GALK1: variants seen among roughly 807,000 people sequenced by gnomAD.
GALK1 encodes the protein galactokinase.
In GALK1, 30 loss-of-function variants were observed where a neutral mutation model predicts 38.6. The ratio of observed to expected loss-of-function variants is 0.78; its 90% CI spans 0.58 to 1.05. The LOEUF is 1.05. Among genes scored for constraint, GALK1 ranks in the 50% least tolerant of loss-of-function variants. The probability of loss-of-function intolerance (pLI) is 0.00; values close to 1 mark genes in which losing one functional copy is unlikely to be tolerated. For synonymous variants in GALK1, 240 were observed against 233.6 expected (o/e 1.03, Z -0.25); for missense variants, 512 against 540.5 (o/e 0.95, Z 0.52).
downstream of GALK1, chr17:75,754,434 C>T: frequency 9.7e-7 from 1 of 1,028,744 alleles, no homozygotes; most frequent in Non-Finnish European, 1.5e-6. Flanking sequence ...GCCTCTGTCC[C>T]TAGTGGTTTG....
chr17:75,764,073 A>G lies in GALK1; in HGVS notation c.179T>C (p.Met60Thr), dbSNP rs758000252. The G allele has an allele frequency of 6.3e-6, 10 of 1,583,698 alleles. No homozygotes were observed. The highest frequency in any genetic ancestry group is 8.6e-6 in the Non-Finnish European group (10 of 1,167,954). The change falls in exon 2 of 8, where the codon ATG (methionine) becomes ACG (threonine). Residue 60 changes from methionine (M) to threonine (T), a missense_variant. Transcript: ENST00000588479. ...GCGGGGGCTGCCCACCAGCACCGTC[A>G]TGAGCTCCAGAGCCTGGCAGGAGAG... Reference protein sequence around the residue: ...GLVLPMALELMTVLVGSPRKD... With the variant: ...GLVLPMALELTTVLVGSPRKD...
chr17:75,757,809 G>A, downstream of GALK1: 1 of 660,068 alleles, frequency 1.5e-6, no homozygotes, highest in Non-Finnish European at 2.6e-6. Context: ...AAATGGTTTT[G>A]CTACTGCTAG....
chr17:75,763,831 G>T, intron 2 of GALK1, 66 bp downstream of exon 2: 2 of 1,413,520 alleles, frequency 1.4e-6, no homozygotes, highest in Non-Finnish European at 2.0e-6. Context: ...AAATGAATGG[G>T]CTCTGTGGCT....
At chr17:75,751,984 CAT>C in intron 8 of GALK1, 2 of 729,458 alleles carry the variant, frequency 2.7e-6, no homozygotes, top group Non-Finnish European at 5.0e-6. Context: ...GGACTGGTGA[CAT>C]ATGTCCACGC....
downstream of GALK1, among the ~76,000 whole-genome samples, chr17:75,753,110 T>C (rs1426048629): frequency 6.6e-6 from 1 of 152,234 alleles, no homozygotes; most frequent in African/African-American, 2.4e-5. Context: ...GCCTCACTTT[T>C]CTGCTCTGTA....
At chr17:75,761,258 T>G (rs530391375) in intron 5 of GALK1, among the ~76,000 whole-genome samples, 1 of 151,914 alleles carries the variant, frequency 6.6e-6, no homozygotes, top group Non-Finnish European at 1.5e-5. Flanking sequence ...AATCACAGTG[T>G]GAGGTGTATC....
chr17:75,757,775 C>T (rs1378772191), downstream of GALK1: 1 of 694,080 alleles, frequency 1.4e-6, no homozygotes. Context: ...AGCACAAGGA[C>T]CCAGCCTTTG....
chr17:75,753,517 G>T (rs115576452), downstream of GALK1, among the ~76,000 whole-genome samples: 2,370 of 152,258 alleles, frequency 0.016, 66 homozygotes, highest in African/African-American at 0.054. Context: ...GGGTCCGGGG[G>T]TCTCTCCTCC....
chr17:75,764,133 A>T (rs1402236502), intron 1 of GALK1, 47 bp from the exon 2 acceptor site: 1 of 1,510,190 alleles, frequency 6.6e-7, no homozygotes, highest in Non-Finnish European at 8.9e-7. Flanking sequence ...CAGCTGGAGT[A>T]AGCCTCTCCA....
At chr17:75,752,257 C>A in intron 8 of GALK1, 5 of 1,613,586 alleles carry the variant, frequency 3.1e-6, no homozygotes, top group Non-Finnish European at 3.4e-6. Flanking sequence ...GGAGTCCCAG[C>A]CCTACCGCTA....
downstream of GALK1, chr17:75,755,819 C>A: frequency 6.2e-7 from 1 of 1,608,080 alleles, no homozygotes; most frequent in South Asian, 1.1e-5. Context: ...CGCTGCAGGG[C>A]TACAGTGTGG....
At chr17:75,757,511 G>A (rs370673042), downstream of GALK1, 73 of 1,613,236 alleles carry the variant, frequency 4.5e-5, no homozygotes, top group East Asian at 6.7e-5. Context: ...GACCACCAGC[G>A]GAACCCTTAG....
At chr17:75,757,892 C>G, downstream of GALK1, 1 of 811,640 alleles carries the variant, frequency 1.2e-6, no homozygotes, top group Non-Finnish European at 2.0e-6. Flanking sequence ...TGACATCCCC[C>G]ATTCTCTGAC....
intron 8 of GALK1, chr17:75,752,186 C>A (rs746679045): frequency 1.9e-6 from 3 of 1,613,964 alleles, no homozygotes; most frequent in South Asian, 1.1e-5. Flanking sequence ...CCTATTGGGC[C>A]CATGAAGAAA....
intron 8 of GALK1, chr17:75,752,121 T>C: frequency 6.3e-7 from 1 of 1,586,240 alleles, no homozygotes; most frequent in Non-Finnish European, 8.7e-7. Flanking sequence ...AGGGGTGGTG[T>C]TGGGACCAGG....
chr17:75,763,800 C>T (rs542547208), intron 2 of GALK1, 97 bp downstream of exon 2: 1 of 1,214,140 alleles, frequency 8.2e-7, no homozygotes, highest in African/African-American at 1.5e-5. Context: ...CTCTACAAGC[C>T]TTCCCCACAG....
At chr17:75,753,757 T>C, downstream of GALK1, 1 of 1,426,416 alleles carries the variant, frequency 7.0e-7, no homozygotes, top group Non-Finnish European at 9.2e-7. Flanking sequence ...CCCTTCGTTG[T>C]TCCCAAGGCT....
At chr17:75,764,832 C>T in intron 1 of GALK1, 140 bp downstream of exon 1, 6 of 911,288 alleles carry the variant, frequency 6.6e-6, no homozygotes, top group Non-Finnish European at 1.0e-5. Context: ...GGGACTCTTC[C>T]GTGCACCGGT....
chr17:75,757,831 C>T (rs1221540596), downstream of GALK1: 4 of 667,034 alleles, frequency 6.0e-6, no homozygotes, highest in Non-Finnish European at 1.0e-5. Flanking sequence ...CCCTGCCTTG[C>T]CCATTCTTCT....
Sources: gnomAD v4.1 joint callset for allele counts (sites outside exome capture counted in the v4.1 genomes callset) on GRCh38, gnomAD v4.1.1 for gene constraint, MANE v1.5 for transcripts, NCBI Gene and HGNC (gene_info 2026-07-23, HGNC 2026-07-21) for gene names.